NTAN1: variants seen among roughly 807,000 people sequenced by gnomAD.
The protein encoded by NTAN1 is N-terminal asparagine amidase, also known as protein N-terminal asparagine amidohydrolase.
A neutral mutation model predicts 41.9 loss-of-function variants in NTAN1; 32 were observed. The ratio of observed to expected loss-of-function variants is 0.76; its 90% CI spans 0.58 to 1.03. The LOEUF (loss-of-function observed/expected upper bound fraction) is 1.03, where lower values mean the gene tolerates loss of function less well. Ranked by LOEUF, NTAN1 falls within the 50% of genes least tolerant of loss-of-function variation. NTAN1 has a pLI of 0.00. For missense variants in NTAN1, 377 were observed against 377.5 expected (o/e 1.00, Z 0.01); for synonymous variants, 140 against 139.5 (o/e 1.00, Z -0.03).
intron 1 of NTAN1, among the ~76,000 whole-genome samples, chr16:15,055,528 A>AGGCG (rs1274230165): frequency 1.3e-5 from 2 of 152,206 alleles, no homozygotes; most frequent in Non-Finnish European, 2.9e-5. Context: ...GGGTCCCCGA[A>AGGCG]GGCGGGCGGC....
At chr16:15,039,409 T>C (rs1240302318) in intron 8 of NTAN1, among the ~76,000 whole-genome samples, 1 of 152,244 alleles carries the variant, frequency 6.6e-6, no homozygotes, top group Non-Finnish European at 1.5e-5. Context: ...ACTTTGAGCA[T>C]TTTTAAAGAA....
chr16:15,044,622 G>C, intron 4 of NTAN1: 1 of 587,974 alleles, frequency 1.7e-6, no homozygotes, highest in Non-Finnish European at 3.0e-6. Flanking sequence ...TGATGACTGA[G>C]GGGATCCGTA....
intron 1 of NTAN1, among the ~76,000 whole-genome samples, chr16:15,054,799 T>C (rs1277089803): frequency 2.0e-5 from 3 of 152,176 alleles, no homozygotes; most frequent in Non-Finnish European, 4.4e-5. Flanking sequence ...CTTATCTGCC[T>C]TCAGGAGGCT....
chr16:15,042,058 A>G (rs549787403), intron 5 of NTAN1, among the ~76,000 whole-genome samples: 1 of 152,240 alleles, frequency 6.6e-6, no homozygotes, highest in Admixed American at 6.5e-5. Context: ...AACAGATCTG[A>G]AAAATACAAG....
Position 15,048,321 on chromosome 16 carries a change from G to C in NTAN1, c.82-222C>G, listed in dbSNP as rs536247500. 2.0e-5 allele frequency among the ~76,000 whole-genome samples: 3 copies of C among 152,274 alleles called. No individual in the cohort carries two copies. The South Asian group carries it at 6.2e-4, about 32-fold the overall frequency. ...CTGCGCGGTGGTTTTTTTAACCTAT[G>C]AAATCGGATGTCATAGTAACCTATG... On this transcript the variant is annotated intron_variant, in intron 1 of 9. Transcript: ENST00000287706.
chr16:15,041,825 A>G, intron 5 of NTAN1, 149 bp from the exon 6 acceptor site: 1 of 686,256 alleles, frequency 1.5e-6, no homozygotes, highest in Non-Finnish European at 2.7e-6. Flanking sequence ...AGCCTGGCCT[A>G]TGGGGCCAGA....
In NTAN1 at chr16:15,041,055, G is replaced by A; in HGVS notation, c.541+13C>T. On this transcript the variant is annotated intron_variant, in intron 7 of 9. Coordinates refer to ENST00000287706, the MANE Select transcript of NTAN1 (RefSeq NM_173474.4). ...ACCAAGACTCCAACCCACAAAAGAT[G>A]CACACTACTTACCAATGCCATATAT... 6.3e-7 allele frequency: 1 copy of A among 1,579,686 alleles called. No individual in the cohort carries two copies. Among genetic ancestry groups the A allele is most frequent in the Non-Finnish European group, 8.7e-7 (1 of 1,148,594 alleles).
chr16:15,041,788 C>T (rs1303565389), intron 5 of NTAN1, 112 bp from the exon 6 acceptor site: 3 of 778,424 alleles, frequency 3.9e-6, no homozygotes, highest in Non-Finnish European at 6.9e-6. Context: ...GTGTGCTCCG[C>T]CCTACAGCCC....
intron 1 of NTAN1, among the ~76,000 whole-genome samples, chr16:15,050,313 T>C (rs968200833): frequency 2.8e-4 from 42 of 152,332 alleles, no homozygotes; most frequent in African/African-American, 9.6e-4. Context: ...AAAATCTTCC[T>C]CAAATGTCTA....
In NTAN1 at chr16:15,039,987, T is replaced by C. The variant is rs1364702924; in HGVS notation, c.621A>G (p.Arg207=). Residue 207 remains arginine (R), a synonymous_variant, in exon 8 of 10, where the codon CGA becomes CGG. Coordinates refer to ENST00000287706, the MANE Select transcript of NTAN1 (RefSeq NM_173474.4). ...AACTCACTGGTCCTCCTGCTAAAGT[T>C]CGCGCAGCACGAAGCTGCTCCTCCG... ...RGPEEQLRAA[R]TLAGGPMISI... 3.1e-6 allele frequency: 5 copies of C among 1,604,590 alleles called. No homozygotes were observed. The African/African-American group carries it at 5.4e-5, about 17-fold the overall frequency.
At chr16:15,042,584 A>C (rs957696761) in intron 5 of NTAN1, among the ~76,000 whole-genome samples, 2 of 152,154 alleles carry the variant, frequency 1.3e-5, no homozygotes, top group African/African-American at 4.8e-5. Context: ...CATAATTATT[A>C]TTCTGATGAC....
At chr16:15,046,460 A>C (rs1242595407) in intron 4 of NTAN1, among the ~76,000 whole-genome samples, 1 of 152,162 alleles carries the variant, frequency 6.6e-6, no homozygotes, top group East Asian at 1.9e-4. Context: ...TGTGTGCTCC[A>C]GCACATCGAG....
At chr16:15,042,045 T>C (rs2043839090) in intron 5 of NTAN1, among the ~76,000 whole-genome samples, 1 of 152,240 alleles carries the variant, frequency 6.6e-6, no homozygotes, top group East Asian at 1.9e-4. Flanking sequence ...ATCTGGCCAC[T>C]GTAACAGATC....
chr16:15,040,092 G>C (rs748117670), intron 7 of NTAN1, 26 bp from the exon 8 acceptor site: 5 of 1,330,128 alleles, frequency 3.8e-6, no homozygotes, highest in Non-Finnish European at 2.2e-6. Context: ...GGATGACTCT[G>C]AATTGACAAA....
rs565842562 is a variant in NTAN1 at position 15,037,969 on chromosome 16, G to T, written c.*62C>A. 2 of 1,271,632 alleles carry T rather than the reference G, an allele frequency of 1.6e-6. No homozygotes were observed. The highest frequency in any genetic ancestry group is 1.5e-5 in the African/African-American group (1 of 67,886). The allele number at this position is 1,271,632 out of a possible 1,614,324, so 78.8% of individuals were successfully genotyped here. On this transcript the variant is annotated 3_prime_UTR_variant, in exon 10 of 10. Coordinates refer to ENST00000287706, the MANE Select transcript of NTAN1 (RefSeq NM_173474.4). ...AGATGTAGGATCCAGATCTGGATTC[G>T]TGCCAGCCCCACCAATGGTCTGTCA...
At chr16:15,038,322 TTAAG>T (rs1353812411) in intron 9 of NTAN1, 112 bp from the exon 10 acceptor site, 8 of 795,598 alleles carry the variant, frequency 1.0e-5, no homozygotes, top group Non-Finnish European at 1.6e-5. Context: ...ATAAAATACG[TTAAG>T]AAATGAGGTG....
rs150672980 is a variant in NTAN1 at position 15,047,450 on chromosome 16, T to C, written c.351A>G (p.Gln117=). ...AGCAGCGTAGATCTCACCTTCCACA[T>C]TGAGCGTGGTCAGAAAAGGATTTTA... is the stretch of plus-strand genomic sequence containing the variant. ...NSIKSFSDHA[Q]CGRLEVHLVG... Residue 117 remains glutamine (Q), a synonymous_variant, in exon 4 of 10, where the codon CAA becomes CAG. Coordinates refer to ENST00000287706, the MANE Select transcript of NTAN1 (RefSeq NM_173474.4). 2.0e-3 allele frequency: 3,214 copies of C among 1,600,192 alleles called. 7 individuals carry two copies. Among genetic ancestry groups the C allele is most frequent in the Non-Finnish European group, 2.0e-3 (2,354 of 1,167,458 alleles).
intron 1 of NTAN1, 48 bp from the exon 2 acceptor site, chr16:15,048,147 T>C (rs779304563): frequency 3.0e-6 from 4 of 1,349,688 alleles, no homozygotes; most frequent in Non-Finnish European, 4.2e-6. Context: ...TTAGTGAGGA[T>C]GGAAAAACTA....
In NTAN1 at chr16:15,055,223, C is replaced by T. The variant is rs140131391; in HGVS notation, c.81+668G>A. Among the ~76,000 whole-genome samples, 209 of 152,288 alleles carry T rather than the reference C, an allele frequency of 1.4e-3. 4 individuals are homozygous for T. Among genetic ancestry groups the T allele is most frequent in the Admixed American group, 0.013 (196 of 15,300 alleles). Reference sequence around the variant, plus strand: ...CCTGAGAACCCCCTTGCCAACAGTCCCTGCATAAGCGTGGACAAGAGTTCA... The same window carrying T: ...CCTGAGAACCCCCTTGCCAACAGTCTCTGCATAAGCGTGGACAAGAGTTCA... On this transcript the variant is annotated intron_variant, in intron 1 of 9. Transcript: ENST00000287706.
Sources: allele counts gnomAD v4.1 joint callset (sites outside exome capture counted in the v4.1 genomes callset), GRCh38; gene constraint gnomAD v4.1.1; transcripts MANE v1.5; gene names NCBI Gene and HGNC (gene_info 2026-07-23, HGNC 2026-07-21).